LIMCH1: variants seen among roughly 807,000 people sequenced by gnomAD.
LIMCH1 encodes the protein LIM and calponin homology domains 1.
Under a neutral mutation model 176.5 loss-of-function variants are expected in LIMCH1, and 113 were observed. The observed-to-expected ratio is 0.64, with a 90% CI of 0.55 to 0.75. The LOEUF (loss-of-function observed/expected upper bound fraction) is 0.75. Ranked by LOEUF, LIMCH1 falls within the 30% of genes least tolerant of loss-of-function variation. LIMCH1 has a pLI of 0.00. For synonymous variants in LIMCH1, 619 were observed against 645.9 expected (o/e 0.96, Z 0.63); for missense variants, 1,674 against 1,814.9 (o/e 0.92, Z 1.41).
intron 1 of LIMCH1, among the ~76,000 whole-genome samples, chr4:41,598,474 A>G (rs1035893645): frequency 2.0e-5 from 3 of 152,152 alleles, no homozygotes; most frequent in Non-Finnish European, 1.5e-5. Context: ...TCTAAAGAAT[A>G]TATTTTAGAA....
chr4:41,434,377 A>G (rs1227745171), intron 1 of LIMCH1, among the ~76,000 whole-genome samples: 1 of 152,224 alleles, frequency 6.6e-6, no homozygotes, highest in African/African-American at 2.4e-5. Context: ...TCACCAGGCC[A>G]GGCAGCAACC....
intron 3 of LIMCH1, among the ~76,000 whole-genome samples, chr4:41,530,819 ATTTTTT>A (rs71650934): frequency 1.2e-5 from 1 of 84,734 alleles, no homozygotes; most frequent in African/African-American, 5.7e-5. Flanking sequence ...AAAAAAAAAA[ATTTTTT>A]TTTTTTTTTT....
chr4:41,592,584 C>T (rs888013611), intron 1 of LIMCH1, among the ~76,000 whole-genome samples: 1 of 152,072 alleles, frequency 6.6e-6, no homozygotes, highest in Non-Finnish European at 1.5e-5. Flanking sequence ...CTTTCTTGAC[C>T]TGAGTGAACA....
Position 41,627,026 on chromosome 4 carries a change from G to GTGTA in LIMCH1, c.1028+19_1028+20insATGT. ...AATATAAAAGGTGTGCATGGTGTGT[G>GTGTA]TGTGTGTGTGTGTGTGTGTGTGTGT... On this transcript the variant is annotated intron_variant, in intron 8 of 31. Transcript: ENST00000503057. 1 of 1,444,298 alleles carries GTGTA rather than the reference G, an allele frequency of 6.9e-7. No individual in the cohort carries two copies. Among genetic ancestry groups the GTGTA allele is most frequent in the Non-Finnish European group, 9.2e-7 (1 of 1,089,068 alleles). The allele number at this position is 1,444,298 out of a possible 1,614,324, so 89.5% of individuals were successfully genotyped here.
chr4:41,546,002 A>G (rs1246915181), intron 1 of LIMCH1, among the ~76,000 whole-genome samples: 1 of 152,168 alleles, frequency 6.6e-6, no homozygotes, highest in Non-Finnish European at 1.5e-5. Flanking sequence ...CTGTTTATTC[A>G]TTCATCAAGA....
chr4:41,436,961 G>C lies in LIMCH1; in HGVS notation c.97-57575G>C, dbSNP rs558843543. On this transcript the variant is annotated intron_variant, in intron 1 of 26. Transcript: ENST00000313860. ...TAGGTAATATGTCAAATACTGTCAC[G>C]GACCTCAGATCCCTTTCATTGCACT... 2.2e-4 allele frequency among the ~76,000 whole-genome samples: 34 copies of C among 152,192 alleles called. No homozygotes were observed. The South Asian group carries it at 3.9e-3, about 18-fold the overall frequency.
At chr4:41,391,369 C>T (rs941351094) in intron 1 of LIMCH1, among the ~76,000 whole-genome samples, 7 of 152,082 alleles carry the variant, frequency 4.6e-5, no homozygotes, top group Admixed American at 1.3e-4. Flanking sequence ...TTCTTGGTGA[C>T]TAAGTTAAAG....
rs1368539204 is a variant in LIMCH1 at position 41,697,230 on chromosome 4, A to T, written c.*45A>T. ...GATCACTCACCATTTCTTTACTGAG[A>T]GTGTCCCCTGGCAACTGCTTAACAA... On this transcript the variant is annotated 3_prime_UTR_variant, in exon 32 of 32. Coordinates refer to ENST00000503057, the MANE Select transcript of LIMCH1 (RefSeq NM_001330672.2). The T allele has an allele frequency of 6.3e-7, 1 of 1,595,334 alleles. No individual in the cohort carries two copies. Among genetic ancestry groups the T allele is most frequent in the Non-Finnish European group, 8.6e-7 (1 of 1,163,562 alleles).
rs2093398167 is a variant in LIMCH1, at chr4:41,632,857, GA to G, written c.1711del (p.Thr571GlnfsTer60). The G allele has an allele frequency of 2.0e-6, 3 of 1,536,030 alleles. No individual in the cohort carries two copies. ...VCSLGECPRG[T>X]EEVTSKQLPQ... Reference sequence around the variant, plus strand: ...GCAGTTTGGGCGAGTGCCCGAGGGGGACAGAGGAAGGTGAGGAGCAGTGTTT... The same window carrying G: ...GCAGTTTGGGCGAGTGCCCGAGGGGGCAGAGGAAGGTGAGGAGCAGTGTTT... On this transcript the variant is annotated frameshift_variant, in exon 11 of 32. Transcript: ENST00000503057. LOFTEE classifies it high-confidence loss of function.
chr4:41,530,847 G>T, intron 3 of LIMCH1, among the ~76,000 whole-genome samples: 1 of 114,186 alleles, frequency 8.8e-6, no homozygotes, highest in South Asian at 2.8e-4. Context: ...TTTTGGCCAG[G>T]AAGCAGGCAA....
intron 3 of LIMCH1, among the ~76,000 whole-genome samples, chr4:41,528,429 G>T (rs2076916484): frequency 6.6e-6 from 1 of 152,152 alleles, no homozygotes; most frequent in African/African-American, 2.4e-5. Flanking sequence ...ATAATTAATG[G>T]GTTTGAAGAT....
intron 1 of LIMCH1, among the ~76,000 whole-genome samples, chr4:41,454,267 C>T (rs1367250379): frequency 6.6e-6 from 1 of 152,108 alleles, no homozygotes; most frequent in African/African-American, 2.4e-5. Flanking sequence ...TAAGGGAATG[C>T]GTAAATTAAA....
rs1002971602 is a variant in LIMCH1, at chr4:41,681,725, G to T, written c.3718-608G>T. ...TAATGCATGCTGGGCTTAACACTCA[G>T]GTGATGGGTGCAGCAAACCACCATG... On this transcript the variant is annotated intron_variant, in intron 25 of 31. Transcript: ENST00000503057. Among the ~76,000 whole-genome samples, 4 of 152,254 alleles carry T rather than the reference G, an allele frequency of 2.6e-5. No individual in the cohort carries two copies. In the East Asian group the frequency reaches 5.8e-4, roughly 22 times the overall value.
rs139338788 is a variant in LIMCH1 at position 41,444,038 on chromosome 4, T to A, written c.97-50498T>A. Among the ~76,000 whole-genome samples the A allele has an allele frequency of 7.9e-3, 1,200 of 152,292 alleles. 18 individuals carry two copies. The highest frequency in any genetic ancestry group is 0.021 in the South Asian group (101 of 4,828). Reference sequence around the variant, plus strand: ...CTGTAATCATGGACAGTGCAGATATTCCTATCTGGATAGGTATTGTCCGTG... The same window carrying A: ...CTGTAATCATGGACAGTGCAGATATACCTATCTGGATAGGTATTGTCCGTG... On this transcript the variant is annotated intron_variant, in intron 1 of 26. Transcript: ENST00000313860.
rs912002032 is a variant in LIMCH1, at chr4:41,666,750, G to A, written c.3397+84G>A. 29 of 881,990 alleles carry A rather than the reference G, an allele frequency of 3.3e-5. 1 individual carries two copies. The highest frequency in any genetic ancestry group is 7.3e-5 in the South Asian group (5 of 68,540). The allele number at this position is 881,990 out of a possible 1,614,324, so 54.6% of individuals were successfully genotyped here. The stretch of plus-strand genomic sequence containing the variant: ...ATTACTTAATTTAAAGGAAGATTAC[G>A]TCCTTTATGTTGCTATTCCTTTAGC... On this transcript the variant is annotated intron_variant, in intron 21 of 31. Transcript: ENST00000503057.
At chr4:41,639,061 G>A (rs1292599650) in intron 14 of LIMCH1, 94 bp downstream of exon 14, 10 of 923,732 alleles carry the variant, frequency 1.1e-5, no homozygotes, top group Non-Finnish European at 4.9e-6. Context: ...ACTGATGCAA[G>A]TGAACTGAAT....
intron 31 of LIMCH1, chr4:41,693,074 C>A (rs1312018266): frequency 6.6e-6 from 1 of 152,244 alleles, no homozygotes; most frequent in South Asian, 2.1e-4. Flanking sequence ...TGCCTAGCCG[C>A]TGTTTAGAAA....
Position 41,666,624 on chromosome 4 carries a change from C to A in LIMCH1, c.3355C>A (p.Pro1119Thr). Residue 1119 changes from proline (P) to threonine (T), a missense_variant, in exon 21 of 32, where the codon CCT (proline) becomes ACT (threonine). Pro to Thr is a conservative substitution (Grantham distance 38, BLOSUM62 -1). Coordinates refer to ENST00000503057, the MANE Select transcript of LIMCH1 (RefSeq NM_001330672.2). ...GACATTTCCATTTCTGGACAAAATG[C>A]CTGAAGCCAACCAACTACATTTGCC... ...TLTFPFLDKMPEANQLHLPNL... is the reference protein window; with the variant it reads ...TLTFPFLDKMTEANQLHLPNL... 6.2e-7 allele frequency: 1 copy of A among 1,613,908 alleles called. No individual in the cohort carries two copies. Among genetic ancestry groups the A allele is most frequent in the East Asian group, 2.2e-5 (1 of 44,868 alleles).
rs879388418 is a variant in LIMCH1 at position 41,384,370 on chromosome 4, AT to A, written c.96+23447del. Among the ~76,000 whole-genome samples, 513 of 142,786 alleles carry A rather than the reference AT, an allele frequency of 3.6e-3. 5 individuals are homozygous for A. The highest frequency in any genetic ancestry group is 6.7e-3 in the African/African-American group (263 of 39,156). The allele number at this position is 142,786 out of a possible 152,430, so 93.7% of individuals were successfully genotyped here. On this transcript the variant is annotated intron_variant, in intron 1 of 26. Coordinates refer to the LIMCH1 transcript ENST00000313860. The stretch of plus-strand genomic sequence containing the variant: ...CAGGTGCCTGCCACCACGCCGGGCT[AT>A]TTTTTTTTTTTTATTTTTAGTAGAG...
Sources: gnomAD v4.1 joint callset for allele counts (sites outside exome capture counted in the v4.1 genomes callset) on GRCh38, gnomAD v4.1.1 for gene constraint, MANE v1.5 for transcripts, NCBI Gene and HGNC (gene_info 2026-07-23, HGNC 2026-07-21) for gene names.